ASXL2: variants seen among roughly 807,000 people sequenced by gnomAD.
ASXL2 encodes ASXL transcriptional regulator 2.
ASXL2 carries 23 observed loss-of-function variants against 122.0 expected under a neutral mutation model. That is an observed-to-expected ratio of 0.19 (90% CI 0.14 to 0.27). ASXL2 has a LOEUF of 0.27. Ranked by LOEUF, ASXL2 falls within the 10% of genes least tolerant of loss-of-function variation. ASXL2 has a pLI of 1.00. For synonymous variants in ASXL2, 650 were observed against 637.0 expected (o/e 1.02, Z -0.31); for missense variants, 1,518 against 1,713.8 (o/e 0.89, Z 2.02).
intron 12 of ASXL2, among the ~76,000 whole-genome samples, chr2:25,748,636 T>G (rs2087982620): frequency 6.6e-6 from 1 of 152,236 alleles, no homozygotes; most frequent in Admixed American, 6.5e-5. Flanking sequence ...TTTACTAGTC[T>G]TATTTTTCCA....
At chr2:25,827,883 T>C (rs1430726787) in intron 3 of ASXL2, among the ~76,000 whole-genome samples, 2 of 152,090 alleles carry the variant, frequency 1.3e-5, no homozygotes, top group African/African-American at 4.8e-5. Context: ...CAATAAAAGA[T>C]TCCTTGGAAA....
At chr2:25,758,675 CT>C (rs1413771261) in intron 9 of ASXL2, among the ~76,000 whole-genome samples, 2 of 133,906 alleles carry the variant, frequency 1.5e-5, no homozygotes, top group Non-Finnish European at 3.2e-5. Flanking sequence ...CTTTTTGCTA[CT>C]TTTGTTTTTT....
intron 5 of ASXL2, 93 bp downstream of exon 5, chr2:25,799,292 T>C: frequency 6.4e-7 from 1 of 1,553,516 alleles, no homozygotes; most frequent in Admixed American, 1.7e-5. Flanking sequence ...GGAAAGTGAC[T>C]GACTGACCTG....
chr2:25,773,439 G>A (rs1481347749), intron 5 of ASXL2, among the ~76,000 whole-genome samples: 1 of 152,010 alleles, frequency 6.6e-6, no homozygotes, highest in Non-Finnish European at 1.5e-5. Context: ...GCCAAGGCGG[G>A]CGGATCACAA....
rs1273214946 is a variant in ASXL2, at chr2:25,743,568, A to C, written c.2769T>G (p.Ala923=). Residue 923 remains alanine, a synonymous_variant, in exon 13 of 13, where the codon GCT becomes GCG. Transcript: ENST00000435504. Reference sequence around the variant, plus strand: ...AAGTTCCTGGGGTTTTAAGGCTAGAAGCTGCTGGCAAAGTGCTCGAGGGTG... The same window carrying C: ...AAGTTCCTGGGGTTTTAAGGCTAGACGCTGCTGGCAAAGTGCTCGAGGGTG... ...SAPPSSTLPA[A]SSLKTPGTSL... is the part of the protein sequence containing the mutation. The C allele has an allele frequency of 1.2e-6, 2 of 1,614,020 alleles. No homozygotes were observed. Among genetic ancestry groups the C allele is most frequent in the East Asian group, 4.5e-5 (2 of 44,882 alleles).
intron 3 of ASXL2, among the ~76,000 whole-genome samples, chr2:25,827,887 T>C (rs1240331882): frequency 6.6e-6 from 1 of 152,134 alleles, no homozygotes; most frequent in Non-Finnish European, 1.5e-5. Context: ...AAAAGATTCC[T>C]TGGAAATTTT....
intron 2 of ASXL2, among the ~76,000 whole-genome samples, chr2:25,844,011 A>G (rs2089619819): frequency 6.6e-6 from 1 of 152,114 alleles, no homozygotes; most frequent in Admixed American, 6.5e-5. Flanking sequence ...AACACAATGC[A>G]AATTTAGCAT....
rs2149146402 is a variant in ASXL2, at chr2:25,759,517, G to A, written c.904C>T (p.Arg302Ter). ...FSVLPGDCQQ[R>*]LLLLLPEVDR... The stretch of plus-strand genomic sequence containing the variant: ...ACCTCTGGGAGTAGTAAAAGCAGTC[G>A]TTGCTGGCAATCTCCAGGAAGGACT... Residue 302 changes from arginine to a stop codon, truncating the protein, a stop_gained, in exon 9 of 13, where the codon CGA becomes TGA. Coordinates refer to ENST00000435504, the MANE Select transcript of ASXL2 (RefSeq NM_018263.6). LOFTEE classifies it high-confidence loss of function. 1 of 1,613,928 alleles carries A rather than the reference G, an allele frequency of 6.2e-7. No individual in the cohort carries two copies. Among genetic ancestry groups the A allele is most frequent in the Non-Finnish European group, 8.5e-7 (1 of 1,179,858 alleles).
At chr2:25,776,511 T>C (rs2088548662) in intron 5 of ASXL2, among the ~76,000 whole-genome samples, 1 of 152,234 alleles carries the variant, frequency 6.6e-6, no homozygotes, top group African/African-American at 2.4e-5. Flanking sequence ...TCTCTTGGGT[T>C]CATTCCTATG....
Position 25,750,379 on chromosome 2 carries a change from T to C in ASXL2, c.1177A>G (p.Thr393Ala), listed in dbSNP as rs1559500508. The C allele has an allele frequency of 6.2e-7, 1 of 1,608,306 alleles. No homozygotes were observed. The change falls in exon 12 of 13, where the codon ACA becomes GCA. Residue 393 changes from threonine (T) to alanine (A), a missense_variant. This residue lies in a region of ASXL2 where 92 missense variants were observed against 156.6 expected (regional missense o/e 0.59). Coordinates refer to ENST00000435504, the MANE Select transcript of ASXL2 (RefSeq NM_018263.6). ...ACTTTGGGATCACTGGGAGAAGCTG[T>C]CAATTTCTTAGAATCTTCAAGGCTC... is the stretch of plus-strand genomic sequence containing the variant. Reference protein sequence around the residue: ...GLSLEDSKKLTASPSDPKVKK... With the variant: ...GLSLEDSKKLAASPSDPKVKK...
Position 25,743,653 on chromosome 2 carries a change from G to A in ASXL2, c.2684C>T (p.Thr895Ile). The A allele has an allele frequency of 6.2e-7, 1 of 1,614,026 alleles. No homozygotes were observed. Among genetic ancestry groups the A allele is most frequent in the South Asian group, 1.1e-5 (1 of 91,084 alleles). The change falls in exon 13 of 13, where the codon ACT becomes ATT. Residue 895 changes from threonine to isoleucine, a missense_variant. Around this residue, in one of 8 missense-constraint regions of ASXL2, gnomAD observed 831 missense variants for 833.1 expected, o/e 1.00. Transcript: ENST00000435504. ...SPLTSLLTTA[T>I]LEKLPVPQVS... Reference sequence around the variant, plus strand: ...CTGGGGTACAGGAAGCTTTTCTAAAGTGGCTGTGGTCAATAAAGATGTTAA... The same window carrying A: ...CTGGGGTACAGGAAGCTTTTCTAAAATGGCTGTGGTCAATAAAGATGTTAA...
chr2:25,791,512 T>C (rs990636426), intron 5 of ASXL2, among the ~76,000 whole-genome samples: 2 of 150,616 alleles, frequency 1.3e-5, no homozygotes, highest in Admixed American at 6.6e-5. Context: ...AGGAACTTTG[T>C]ACAACAAATA....
intron 3 of ASXL2, among the ~76,000 whole-genome samples, chr2:25,829,802 G>A (rs1430097413): frequency 6.6e-6 from 1 of 152,176 alleles, no homozygotes; most frequent in East Asian, 1.9e-4. Context: ...ACAAGCAAGT[G>A]GGAGAAGATC....
rs1167675098 is a variant in ASXL2 at position 25,745,532 on chromosome 2, C to T, written c.1861-1056G>A. Among the ~76,000 whole-genome samples the T allele has an allele frequency of 3.3e-5, 4 of 121,246 alleles. No individual in the cohort carries two copies. The Admixed American group carries it at 4.0e-4, about 12-fold the overall frequency. The allele number at this position is 121,246 out of a possible 152,430, so 79.5% of individuals were successfully genotyped here. A position where few individuals can be genotyped will look rare whatever the true frequency, so the allele number is the denominator to read the frequency against. ...CCAGCCTGAAAAAGCCTGGCCAACA[C>T]AGTGACTCCAGAGGGAGCCTCCAGC... On this transcript the variant is annotated intron_variant, in intron 12 of 12. Transcript: ENST00000435504.
chr2:25,842,813 T>G (rs558937781), intron 2 of ASXL2, among the ~76,000 whole-genome samples: 303 of 150,540 alleles, frequency 2.0e-3, no homozygotes, highest in African/African-American at 7.2e-3. Flanking sequence ...TATATATATG[T>G]TTTTTTTGTT....
intron 5 of ASXL2, among the ~76,000 whole-genome samples, chr2:25,773,127 G>C (rs2088484285): frequency 6.6e-6 from 1 of 151,548 alleles, no homozygotes; most frequent in African/African-American, 2.4e-5. Flanking sequence ...AGAATCCCTT[G>C]AACCCTGGAG....
chr2:25,749,728 T>C lies in ASXL2; in HGVS notation c.1828A>G (p.Arg610Gly). The change falls in exon 12 of 13, where the codon AGA becomes GGA. Residue 610 changes from arginine (R) to glycine (G), a missense_variant. Physicochemically the swap from Arg to Gly is moderately radical, Grantham distance 125. Around this residue, in one of 8 missense-constraint regions of ASXL2, gnomAD observed 292 missense variants for 293.5 expected, o/e 1.00. Transcript: ENST00000435504. ...SPQPFLNRGD[R>G]IQVRKVPPLK... Reference sequence around the variant, plus strand: ...GGTGGTACTTTTCGCACCTGGATTCTGTCCCCTCTATTGAGAAAGGGCTGT... The same window carrying C: ...GGTGGTACTTTTCGCACCTGGATTCCGTCCCCTCTATTGAGAAAGGGCTGT... 2 of 1,539,396 alleles carry C rather than the reference T, an allele frequency of 1.3e-6. No homozygotes were observed. The highest frequency in any genetic ancestry group is 1.7e-6 in the Non-Finnish European group (2 of 1,148,166).
intron 5 of ASXL2, among the ~76,000 whole-genome samples, chr2:25,793,001 C>A (rs1003523675): frequency 6.6e-6 from 1 of 151,688 alleles, no homozygotes; most frequent in African/African-American, 2.4e-5. Context: ...ACCTGTAATC[C>A]CAGCACTTTG....
At chr2:25,779,645 T>C (rs949395430) in intron 5 of ASXL2, among the ~76,000 whole-genome samples, 3 of 152,182 alleles carry the variant, frequency 2.0e-5, no homozygotes, top group Non-Finnish European at 4.4e-5. Context: ...TCTACGTCAT[T>C]ATGCCACAAA....
Sources: allele counts gnomAD v4.1 joint callset (sites outside exome capture counted in the v4.1 genomes callset), GRCh38; gene constraint gnomAD v4.1.1; regional missense constraint gnomAD v4.1.1; transcripts MANE v1.5; gene names NCBI Gene and HGNC (gene_info 2026-07-23, HGNC 2026-07-21).